Variants in SLC7A6OS observed in about 807,000 individuals in gnomAD.
The protein encoded by SLC7A6OS is probable RNA polymerase II nuclear localization protein SLC7A6OS.
Under a neutral mutation model 34.3 loss-of-function variants are expected in SLC7A6OS, and 22 were observed. That is an observed-to-expected ratio of 0.64 (90% confidence interval 0.46 to 0.92). SLC7A6OS has a LOEUF of 0.92. SLC7A6OS is among the 40% of genes least tolerant of loss of function. SLC7A6OS has a pLI of 0.00. For synonymous variants in SLC7A6OS, 199 were observed against 165.0 expected (o/e 1.21, Z -1.58); for missense variants, 434 against 407.7 (o/e 1.06, Z -0.56).
rs778172692 is a variant in SLC7A6OS, at chr16:68,299,691, C to T, written c.*1584G>A. On this transcript the variant is annotated 3_prime_UTR_variant, in exon 5 of 5. Transcript: ENST00000263997. Reference sequence around the variant, plus strand: ...AGCACAGTGTTTTGTTTTTTTCACCCGGTTGCTGTATGAGAATGGCTTTCA... The same window carrying T: ...AGCACAGTGTTTTGTTTTTTTCACCTGGTTGCTGTATGAGAATGGCTTTCA... 4 of 152,082 alleles carry T rather than the reference C, an allele frequency of 2.6e-5. No individual in the cohort carries two copies. Among genetic ancestry groups the T allele is most frequent in the Non-Finnish European group, 5.9e-5 (4 of 68,012 alleles). 9.4% of individuals were successfully genotyped at this position (152,082 alleles called of 1,614,324 possible). A position where few individuals can be genotyped will look rare whatever the true frequency, so the allele number is the denominator to read the frequency against.
chr16:68,303,791 A>G (rs140568963), intron 3 of SLC7A6OS: 77 of 533,348 alleles, frequency 1.4e-4, no homozygotes, highest in African/African-American at 1.2e-3. Flanking sequence ...TGATGTTGCA[A>G]ACCTTGTAAA....
At position 68,310,415 on chromosome 16, in the gene SLC7A6OS, C is replaced by A. The variant is rs751080038; in HGVS notation, c.391G>T (p.Ala131Ser). Residue 131 changes from alanine (A) to serine (S), a missense_variant, in exon 2 of 5, where the codon GCC becomes TCC. Transcript: ENST00000263997. ...AACAACTGAAAGCCCGAGTTCCCGG[C>A]GGCTTCTGGGTTCCCCGGCGTGTAC... ...SEYTPGNPEA[A>S]GNSGFQLLDL... 3.7e-6 allele frequency: 6 copies of A among 1,610,558 alleles called. No homozygotes were observed. The African/African-American group carries it at 4.0e-5, about 11-fold the overall frequency.
Position 68,301,049 on chromosome 16 carries a change from A to T in SLC7A6OS, c.*226T>A. The T allele has an allele frequency of 4.1e-6, 5 of 1,205,272 alleles. No individual in the cohort carries two copies. Among genetic ancestry groups the T allele is most frequent in the Non-Finnish European group, 5.2e-6 (5 of 970,864 alleles). 74.7% of individuals were successfully genotyped at this position (1,205,272 alleles called of 1,614,324 possible). On this transcript the variant is annotated 3_prime_UTR_variant, in exon 5 of 5. Coordinates refer to ENST00000263997, the MANE Select transcript of SLC7A6OS (RefSeq NM_032178.3). ...AACGTTTTTTTTTCTTTCAAACTGT[A>T]GGGTCACTTTTGATTGAGGCAAAGG...
At chr16:68,307,576 G>A (rs564972434) in intron 2 of SLC7A6OS, among the ~76,000 whole-genome samples, 1 of 152,248 alleles carries the variant, frequency 6.6e-6, no homozygotes, top group African/African-American at 2.4e-5. Flanking sequence ...CATGGCTTTA[G>A]ATCCAAACAA....
In SLC7A6OS at chr16:68,300,820, A is replaced by G. The variant is rs1476409377; in HGVS notation, c.*455T>C. 2.0e-6 allele frequency: 2 copies of G among 986,158 alleles called. No homozygotes were observed. The highest frequency in any genetic ancestry group is 2.4e-6 in the Non-Finnish European group (2 of 830,540). 61.1% of individuals were successfully genotyped at this position (986,158 alleles called of 1,614,324 possible). ...TTACTATCCAGTCTGTATTGCTACA[A>G]GGGACCCACTGGTACCCCTTTTAGA... On this transcript the variant is annotated 3_prime_UTR_variant, in exon 5 of 5. Coordinates refer to ENST00000263997, the MANE Select transcript of SLC7A6OS (RefSeq NM_032178.3).
Position 68,299,930 on chromosome 16 carries a change from T to A in SLC7A6OS, c.*1345A>T, listed in dbSNP as rs1034864570. 4 of 151,926 alleles carry A rather than the reference T, an allele frequency of 2.6e-5. No individual in the cohort carries two copies. Among genetic ancestry groups the A allele is most frequent in the Non-Finnish European group, 4.4e-5 (3 of 67,992 alleles). 9.4% of individuals were successfully genotyped at this position (151,926 alleles called of 1,614,324 possible). A position where few individuals can be genotyped will look rare whatever the true frequency, so the allele number is the denominator to read the frequency against. On this transcript the variant is annotated 3_prime_UTR_variant, in exon 5 of 5. Coordinates refer to ENST00000263997, the MANE Select transcript of SLC7A6OS (RefSeq NM_032178.3). ...AGATAAGAGCAAGTGTAGGCAAAGG[T>A]TTAGAAAATGGACATAAAGTCAAAG...
intron 2 of SLC7A6OS, 104 bp downstream of exon 2, chr16:68,310,231 T>C: frequency 1.6e-6 from 2 of 1,275,654 alleles, no homozygotes; most frequent in Non-Finnish European, 1.1e-6. Flanking sequence ...TCACGCCGGA[T>C]GGATCATCCA....
rs1396000527 is a variant in SLC7A6OS, at chr16:68,310,356, G to A, written c.450C>T (p.Ala150=). 1.9e-6 allele frequency: 3 copies of A among 1,606,416 alleles called. No homozygotes were observed. Among genetic ancestry groups the A allele is most frequent in the African/African-American group, 2.7e-5 (2 of 74,760 alleles). ...DLVHEEGEPE[A]ASAGSCKTSD... is the part of the protein sequence containing the mutation. Reference sequence around the variant, plus strand: ...TCACTTTGCAGGAGCCTGCAGAGGCGGCTTCAGGTTCTCCCTCCTCGTGGA... The same window carrying A: ...TCACTTTGCAGGAGCCTGCAGAGGCAGCTTCAGGTTCTCCCTCCTCGTGGA... Residue 150 remains alanine (A), a synonymous_variant, in exon 2 of 5, where the codon GCC becomes GCT. Coordinates refer to ENST00000263997, the MANE Select transcript of SLC7A6OS (RefSeq NM_032178.3).
chr16:68,309,723 C>T (rs1325930558), intron 2 of SLC7A6OS, among the ~76,000 whole-genome samples: 1 of 152,164 alleles, frequency 6.6e-6, no homozygotes, highest in Non-Finnish European at 1.5e-5. Context: ...TCTCTTTGAT[C>T]AATTTTCCTA....
At position 68,310,389 on chromosome 16, in the gene SLC7A6OS, TAAC is replaced by T. The variant is rs1332719345; in HGVS notation, c.414_416del (p.Leu139del). The T allele has an allele frequency of 6.2e-7, 1 of 1,612,514 alleles. No homozygotes were observed. ...GTTCTCCCTCCTCGTGGACAAGGTC[TAAC>T]AACTGAAAGCCCGAGTTCCCGGCGG... On this transcript the variant is annotated inframe_deletion, in exon 2 of 5. Transcript: ENST00000263997.
At position 68,300,570 on chromosome 16, in the gene SLC7A6OS, T is replaced by C. The variant is rs1245836706; in HGVS notation, c.*705A>G. On this transcript the variant is annotated 3_prime_UTR_variant, in exon 5 of 5. Coordinates refer to ENST00000263997, the MANE Select transcript of SLC7A6OS (RefSeq NM_032178.3). ...AACCTTCTATTTCACTACCGCTCCC[T>C]GTTTTAGATATTCAGATTTAAAAGG... 2 of 958,464 alleles carry C rather than the reference T, an allele frequency of 2.1e-6. No individual in the cohort carries two copies. Among genetic ancestry groups the C allele is most frequent in the Non-Finnish European group, 1.2e-6 (1 of 806,236 alleles). The allele number at this position is 958,464 out of a possible 1,614,324, so 59.4% of individuals were successfully genotyped here.
In SLC7A6OS at chr16:68,298,082, C is replaced by CAGAT. The variant is rs915294884; in HGVS notation, c.*3189_*3192dup. 9.8e-5 allele frequency: 15 copies of CAGAT among 152,636 alleles called. No homozygotes were observed. The highest frequency in any genetic ancestry group is 3.4e-4 in the African/African-American group (14 of 41,438). 9.5% of individuals were successfully genotyped at this position (152,636 alleles called of 1,614,324 possible). On this transcript the variant is annotated 3_prime_UTR_variant, in exon 5 of 5. Transcript: ENST00000263997. ...CACGTACCTGTTACACTTTAGCATA[C>CAGAT]AGATAGATCATAGATCACGTTACAA...
rs1041749849 is a variant in SLC7A6OS at position 68,300,185 on chromosome 16, T to A, written c.*1090A>T. The A allele has an allele frequency of 1.3e-5, 2 of 152,152 alleles. No individual in the cohort carries two copies. Among genetic ancestry groups the A allele is most frequent in the African/African-American group, 4.8e-5 (2 of 41,430 alleles). The allele number at this position is 152,152 out of a possible 1,614,324, so 9.4% of individuals were successfully genotyped here. On this transcript the variant is annotated 3_prime_UTR_variant, in exon 5 of 5. Transcript: ENST00000263997. The stretch of plus-strand genomic sequence containing the variant: ...CTAATTACATTAAAATGAAATAAAA[T>A]TAAAAGCTCAGTTTCTCAGTTGCGC...
Position 68,301,298 on chromosome 16 carries a change from G to T in SLC7A6OS, c.907C>A (p.Pro303Thr). 1 of 1,614,010 alleles carries T rather than the reference G, an allele frequency of 6.2e-7. No homozygotes were observed. Among genetic ancestry groups the T allele is most frequent in the Non-Finnish European group, 8.5e-7 (1 of 1,179,928 alleles). ...CATCAGTCTGAATCCAGGTCGTGGG[G>T]GCTGTCATAGCCGAACTCCTTCTGC... is the stretch of plus-strand genomic sequence containing the variant. ...DVQKEFGYDSPHDLDSD is the reference protein window; with the variant it reads ...DVQKEFGYDSTHDLDSD Residue 303 changes from proline (P) to threonine (T), a missense_variant, in exon 5 of 5, where the codon CCC becomes ACC. Transcript: ENST00000263997.
Position 68,310,604 on chromosome 16 carries a change from C to T in SLC7A6OS, c.202G>A (p.Val68Ile). ...VATVCSQEEP[V>I]QPLLREVLRP... ...AGAACTTCCCGCAGGAGAGGCTGGA[C>T]TGGTTCCTCCTAGGGGGCAACAGGG... is the stretch of plus-strand genomic sequence containing the variant. The change falls in exon 2 of 5, where the codon GTC (valine) becomes ATC (isoleucine). Residue 68 changes from valine to isoleucine, a missense_variant. Val to Ile is a conservative substitution (Grantham distance 29). Coordinates refer to ENST00000263997, the MANE Select transcript of SLC7A6OS (RefSeq NM_032178.3). The T allele has an allele frequency of 1.3e-6, 2 of 1,597,348 alleles. No homozygotes were observed. The highest frequency in any genetic ancestry group is 1.3e-5 in the African/African-American group (1 of 74,634).
chr16:68,310,049 C>T (rs1411306698), intron 2 of SLC7A6OS, among the ~76,000 whole-genome samples: 2 of 152,240 alleles, frequency 1.3e-5, no homozygotes, highest in Admixed American at 1.3e-4. Flanking sequence ...CTCCCCGCCT[C>T]CTTACATCCC....
In SLC7A6OS at chr16:68,310,777, C is replaced by T. The variant is rs1413899154; in HGVS notation, c.150G>A (p.Ala50=). 3 of 1,613,316 alleles carry T rather than the reference C, an allele frequency of 1.9e-6. No homozygotes were observed. The African/African-American group carries it at 4.0e-5, about 22-fold the overall frequency. ...QKTSEGLERA[A]ENNVFHLVAT... ...CCACCAAGTGGAAGACATTATTCTC[C>T]GCCGCTCTCTCCAAACCCTCCGACG... The change falls in exon 1 of 5, where the codon GCG becomes GCA. Residue 50 remains alanine, a synonymous_variant. Coordinates refer to ENST00000263997, the MANE Select transcript of SLC7A6OS (RefSeq NM_032178.3).
chr16:68,307,257 T>C (rs2043334141), intron 2 of SLC7A6OS, among the ~76,000 whole-genome samples: 1 of 152,214 alleles, frequency 6.6e-6, no homozygotes, highest in Admixed American at 6.5e-5. Context: ...AACAAGTACC[T>C]AGCACGCTAT....
chr16:68,301,661 G>A (rs973270955), intron 4 of SLC7A6OS: 17 of 294,078 alleles, frequency 5.8e-5, no homozygotes, highest in Middle Eastern at 1.0e-3. Context: ...TCTCCCCTCC[G>A]TATAGGATTT....
Sources: gnomAD v4.1 joint callset for allele counts (sites outside exome capture counted in the v4.1 genomes callset) on GRCh38, gnomAD v4.1.1 for gene constraint, MANE v1.5 for transcripts, NCBI Gene and HGNC (gene_info 2026-07-23, HGNC 2026-07-21) for gene names.